UBR2: variants seen among roughly 807,000 people sequenced by gnomAD.
UBR2 encodes the protein ubiquitin protein ligase E3 component n-recognin 2.
In UBR2, 92 loss-of-function variants were observed where a neutral mutation model predicts 247.9. That is an observed-to-expected ratio of 0.37 (90% CI 0.31 to 0.44). The LOEUF is 0.44. Ranked by LOEUF, UBR2 falls within the 20% of genes least tolerant of loss-of-function variation. The pLI, the probability that UBR2 is intolerant of heterozygous loss-of-function variation, is 1.00. For missense variants in UBR2, 1,613 were observed against 2,112.6 expected, an observed-to-expected ratio of 0.76 and a Z score of 4.64; for synonymous variants, 672 against 693.5, an observed-to-expected ratio of 0.97 and a Z score of 0.49.
intron 2 of UBR2, among the ~76,000 whole-genome samples, chr6:42,575,902 T>G (rs1319480473): frequency 1.3e-5 from 2 of 152,230 alleles, no homozygotes; most frequent in African/African-American, 4.8e-5. Flanking sequence ...TATATCAGTA[T>G]TTGTGGGGTC....
intron 42 of UBR2, among the ~76,000 whole-genome samples, chr6:42,681,303 G>A (rs1253406202): frequency 3.3e-5 from 5 of 152,004 alleles, no homozygotes; most frequent in African/African-American, 9.7e-5. Flanking sequence ...CCTGGAGGTC[G>A]AGGCTACAGT....
intron 22 of UBR2, 58 bp downstream of exon 22, chr6:42,648,228 T>C (rs542915001): frequency 1.4e-6 from 2 of 1,433,196 alleles, no homozygotes; most frequent in Non-Finnish European, 2.0e-6. Flanking sequence ...CATTCATTTT[T>C]CTTAGAGTGT....
At chr6:42,634,201 A>G (rs1371345970) in intron 13 of UBR2, 2 of 326,616 alleles carry the variant, frequency 6.1e-6, no homozygotes, top group East Asian at 9.8e-5. Flanking sequence ...TGTGGTATTT[A>G]TATAATACAG....
chr6:42,601,785 C>T (rs1448986646), intron 4 of UBR2, among the ~76,000 whole-genome samples: 1 of 151,120 alleles, frequency 6.6e-6, no homozygotes. Context: ...AAATCTGCTT[C>T]TTACTGAGAA....
chr6:42,648,000 A>T (rs527442886), intron 21 of UBR2, 118 bp from the exon 22 acceptor site: 10 of 638,430 alleles, frequency 1.6e-5, no homozygotes, highest in African/African-American at 1.5e-4. Context: ...CATCTGTAAA[A>T]ATGGAGATAA....
chr6:42,682,272 T>C (rs1799101025), intron 42 of UBR2, among the ~76,000 whole-genome samples: 1 of 152,086 alleles, frequency 6.6e-6, no homozygotes, highest in Admixed American at 6.6e-5. Flanking sequence ...AATTTTGCAT[T>C]TAATGAGTAC....
chr6:42,576,459 A>T (rs2151905341), intron 2 of UBR2, among the ~76,000 whole-genome samples: 1 of 150,812 alleles, frequency 6.6e-6, no homozygotes, highest in East Asian at 1.9e-4. Flanking sequence ...CTCTCTGCAT[A>T]ATTGCCCCCC....
rs1174524524 is a variant in UBR2, at chr6:42,635,654, A to G, written c.1674+108A>G. On this transcript the variant is annotated intron_variant, in intron 14 of 46. Transcript: ENST00000372901. ...TCTGGAGAAAATAGTGGTGATACTT[A>G]GTTCATTAAACAGCGTATTTTCCTT... 6 of 1,325,354 alleles carry G rather than the reference A, an allele frequency of 4.5e-6. No individual in the cohort carries two copies. The South Asian group carries it at 1.0e-4, about 22-fold the overall frequency. 82.1% of individuals were successfully genotyped at this position (1,325,354 alleles called of 1,614,324 possible). A position where few individuals can be genotyped will look rare whatever the true frequency, so the allele number is the denominator to read the frequency against.
chr6:42,620,603 A>G (rs1794926945), intron 11 of UBR2, among the ~76,000 whole-genome samples: 1 of 148,200 alleles, frequency 6.7e-6, no homozygotes, highest in African/African-American at 2.5e-5. Context: ...AGCTGGGACT[A>G]CATGCGTGCC....
intron 7 of UBR2, among the ~76,000 whole-genome samples, chr6:42,610,319 G>A (rs547318524): frequency 6.6e-6 from 1 of 152,294 alleles, no homozygotes; most frequent in East Asian, 1.9e-4. Flanking sequence ...ATGTGATCCA[G>A]CAATTTTGCT....
intron 46 of UBR2, among the ~76,000 whole-genome samples, chr6:42,690,584 T>C (rs1799698652): frequency 1.3e-5 from 2 of 152,174 alleles, no homozygotes; most frequent in Non-Finnish European, 2.9e-5. Context: ...CTGAGGAATG[T>C]TTTTCTTTTC....
chr6:42,679,629 T>G, intron 41 of UBR2, 95 bp from the exon 42 acceptor site: 1 of 912,312 alleles, frequency 1.1e-6, no homozygotes, highest in South Asian at 1.5e-5. Flanking sequence ...TGGAAGTCTT[T>G]CATCCTTTTT....
chr6:42,637,485 C>T (rs954295090), intron 15 of UBR2, among the ~76,000 whole-genome samples: 1 of 140,436 alleles, frequency 7.1e-6, no homozygotes, highest in Non-Finnish European at 1.5e-5. Flanking sequence ...AGCCGTTATA[C>T]CATAGTGCTT....
intron 4 of UBR2, among the ~76,000 whole-genome samples, chr6:42,595,249 C>T (rs937776736): frequency 1.3e-5 from 2 of 152,166 alleles, no homozygotes; most frequent in African/African-American, 4.8e-5. Flanking sequence ...AACATTAGAA[C>T]TCATTCTTTC....
chr6:42,600,008 G>A (rs940996791), intron 4 of UBR2, among the ~76,000 whole-genome samples: 23 of 152,142 alleles, frequency 1.5e-4, no homozygotes, highest in African/African-American at 5.3e-4. Flanking sequence ...TTGTTAGAAA[G>A]TCAGTTTATG....
rs531501506 is a variant in UBR2, at chr6:42,633,864, G to A, written c.1545+960G>A. ...TCTGACCTCAGCTTTTTGAGTAGCT[G>A]GGATTACAGGCACCTGCCACCATGC... On this transcript the variant is annotated intron_variant, in intron 13 of 46. Transcript: ENST00000372901. 1.4e-3 allele frequency among the ~76,000 whole-genome samples: 208 copies of A among 151,922 alleles called. 2 individuals are homozygous for A. Among genetic ancestry groups the A allele is most frequent in the African/African-American group, 4.9e-3 (201 of 41,434 alleles).
chr6:42,658,115 G>A lies in UBR2; in HGVS notation c.2964G>A (p.Met988Ile), dbSNP rs765852315. 30 of 1,614,008 alleles carry A rather than the reference G, an allele frequency of 1.9e-5. No homozygotes were observed. The South Asian group carries it at 3.3e-4, about 18-fold the overall frequency. ...CCTACCTAGAAGTCCACAAAGACAT[G>A]ATTCGGTGGATATTGAAGGTAAAAT... ...NAPYLEVHKD[M>I]IRWILKTFNA... The change falls in exon 27 of 47, where the codon ATG becomes ATA. Residue 988 changes from methionine (M) to isoleucine (I), a missense_variant. Physicochemically the swap from Met to Ile is conservative, Grantham distance 10. Coordinates refer to ENST00000372901, the MANE Select transcript of UBR2 (RefSeq NM_001363705.2).
chr6:42,666,949 A>C (rs1207097562), intron 34 of UBR2, among the ~76,000 whole-genome samples: 1 of 152,178 alleles, frequency 6.6e-6, no homozygotes, highest in African/African-American at 2.4e-5. Context: ...AAGTGAGGAT[A>C]ATTCATAGGT....
chr6:42,636,507 C>A (rs1796103045), intron 14 of UBR2, among the ~76,000 whole-genome samples: 1 of 151,998 alleles, frequency 6.6e-6, no homozygotes, highest in African/African-American at 2.4e-5. Context: ...AAGTGGGAAG[C>A]CTTTAGAGAT....
Sources: gnomAD v4.1 joint callset for allele counts (sites outside exome capture counted in the v4.1 genomes callset) on GRCh38, gnomAD v4.1.1 for gene constraint, MANE v1.5 for transcripts, NCBI Gene and HGNC (gene_info 2026-07-23, HGNC 2026-07-21) for gene names.